The following TIAM1 variants were observed in gnomAD, a reference collection of about 807,000 sequenced individuals.
TIAM1 encodes TIAM Rac1 associated GEF 1, also known as rho guanine nucleotide exchange factor TIAM1.
A neutral mutation model predicts 163.5 loss-of-function variants in TIAM1; 65 were observed. The observed-to-expected ratio is 0.40, with a 90% CI of 0.33 to 0.49. The LOEUF (loss-of-function observed/expected upper bound fraction) is 0.49. Among genes scored for constraint, TIAM1 ranks in the 20% least tolerant of loss-of-function variants. The pLI is 0.77. For missense variants in TIAM1, 1,789 were observed against 2,044.7 expected (o/e 0.87, Z 2.41); for synonymous variants, 833 against 810.1 (o/e 1.03, Z -0.48).
chr21:31,349,923 A>G (rs2076207077), intron 2 of TIAM1, among the ~76,000 whole-genome samples: 1 of 152,264 alleles, frequency 6.6e-6, no homozygotes, highest in African/African-American at 2.4e-5. Flanking sequence ...GACTGGGCAC[A>G]TGCCCAACAC....
chr21:31,129,905 T>A (rs77878444), intron 25 of TIAM1, among the ~76,000 whole-genome samples: 1 of 152,278 alleles, frequency 6.6e-6, no homozygotes, highest in East Asian at 1.9e-4. Flanking sequence ...ACTCAGGTGG[T>A]AGTCACTATA....
At chr21:31,301,885 A>T (rs1362300531) in intron 2 of TIAM1, among the ~76,000 whole-genome samples, 1 of 148,706 alleles carries the variant, frequency 6.7e-6, no homozygotes, top group Non-Finnish European at 1.5e-5. Flanking sequence ...AAATATATAT[A>T]ATATATATAA....
intron 2 of TIAM1, among the ~76,000 whole-genome samples, chr21:31,403,996 C>T (rs976527851): frequency 3.9e-5 from 6 of 152,088 alleles, no homozygotes; most frequent in Non-Finnish European, 8.8e-5. Flanking sequence ...GACACTTAGC[C>T]GCAACTCACA....
intron 16 of TIAM1, among the ~76,000 whole-genome samples, chr21:31,161,611 T>C (rs2083925463): frequency 6.6e-6 from 1 of 152,248 alleles, no homozygotes; most frequent in Non-Finnish European, 1.5e-5. Flanking sequence ...TTCTTTATGC[T>C]GACCGATATC....
intron 9 of TIAM1, among the ~76,000 whole-genome samples, chr21:31,214,109 C>G (rs73351569): frequency 0.13 from 20,340 of 151,754 alleles, 4,336 homozygotes; most frequent in African/African-American, 0.45. Flanking sequence ...AGGATTGCTC[C>G]AGCCCAGGAG....
At chr21:31,516,565 A>G (rs542220816) in intron 1 of TIAM1, among the ~76,000 whole-genome samples, 4 of 152,176 alleles carry the variant, frequency 2.6e-5, no homozygotes, top group Admixed American at 2.0e-4. Flanking sequence ...AAATTAACCC[A>G]CAGTATTTGG....
At chr21:31,515,858 A>G (rs1269192517) in intron 1 of TIAM1, among the ~76,000 whole-genome samples, 1 of 152,210 alleles carries the variant, frequency 6.6e-6, no homozygotes, top group Non-Finnish European at 1.5e-5. Flanking sequence ...CTGTAATCCC[A>G]GAACTTTGAG....
At chr21:31,435,168 T>C (rs1041013661) in intron 2 of TIAM1, among the ~76,000 whole-genome samples, 2 of 152,176 alleles carry the variant, frequency 1.3e-5, no homozygotes, top group Admixed American at 6.5e-5. Context: ...AAAAGAACAC[T>C]GGAACCCACA....
chr21:31,545,580 A>G (rs960985919), intron 1 of TIAM1, among the ~76,000 whole-genome samples: 2 of 152,222 alleles, frequency 1.3e-5, no homozygotes, highest in African/African-American at 4.8e-5. Flanking sequence ...GACTGTGGAT[A>G]TAAGACTAGT....
chr21:31,420,499 G>A (rs576647736), intron 2 of TIAM1, among the ~76,000 whole-genome samples: 2 of 152,340 alleles, frequency 1.3e-5, no homozygotes, highest in Non-Finnish European at 2.9e-5. Flanking sequence ...AGAGTCTAAA[G>A]GTGAGTACAT....
At chr21:31,418,108 C>T (rs1165244527) in intron 2 of TIAM1, among the ~76,000 whole-genome samples, 1 of 152,002 alleles carries the variant, frequency 6.6e-6, no homozygotes, top group South Asian at 2.1e-4. Context: ...GTAATCCCAG[C>T]ACTTTGGCAG....
intron 19 of TIAM1, among the ~76,000 whole-genome samples, chr21:31,148,886 T>C (rs2083252665): frequency 6.6e-6 from 1 of 152,234 alleles, no homozygotes; most frequent in Non-Finnish European, 1.5e-5. Context: ...CAGAACTAAT[T>C]ATTTCCTTCT....
At chr21:31,324,729 G>T (rs570743819) in intron 2 of TIAM1, among the ~76,000 whole-genome samples, 1 of 152,328 alleles carries the variant, frequency 6.6e-6, no homozygotes, top group East Asian at 1.9e-4. Flanking sequence ...AAAGCAAAGA[G>T]ATTAACTGCC....
chr21:31,417,142 C>T (rs1306280243), intron 2 of TIAM1, among the ~76,000 whole-genome samples: 1 of 152,194 alleles, frequency 6.6e-6, no homozygotes, highest in Non-Finnish European at 1.5e-5. Context: ...CCTGCCTCAG[C>T]CTCCCAAGTA....
At chr21:31,199,300 T>G (rs540490516) in intron 12 of TIAM1, among the ~76,000 whole-genome samples, 6 of 152,126 alleles carry the variant, frequency 3.9e-5, no homozygotes, top group African/African-American at 7.2e-5. Flanking sequence ...ATGGGCCCAC[T>G]CATCTGCCAT....
intron 13 of TIAM1, among the ~76,000 whole-genome samples, chr21:31,189,465 A>G (rs1471509512): frequency 6.6e-6 from 1 of 152,166 alleles, no homozygotes; most frequent in East Asian, 1.9e-4. Flanking sequence ...AACTGGGTAA[A>G]AAGACTAGGT....
At chr21:31,313,641 C>T (rs1017131336) in intron 2 of TIAM1, among the ~76,000 whole-genome samples, 1 of 152,194 alleles carries the variant, frequency 6.6e-6, no homozygotes, top group African/African-American at 2.4e-5. Context: ...GTGGCGCAAT[C>T]TTGGCTCACC....
rs565011327 is a variant in TIAM1 at position 31,380,839 on chromosome 21, C to T, written c.-368-41417G>A. ...TTAATTCCATATAATTTGCATTGTA[C>T]CGGATCGGTTAGGGACAGGGGCTTT... On this transcript the variant is annotated intron_variant, in intron 2 of 28. Transcript: ENST00000286827. Among the ~76,000 whole-genome samples the T allele has an allele frequency of 3.0e-3, 463 of 152,248 alleles. 1 individual carries two copies. The highest frequency in any genetic ancestry group is 5.4e-3 in the Non-Finnish European group (366 of 68,030).
chr21:31,422,390 C>T (rs927392308), intron 2 of TIAM1, among the ~76,000 whole-genome samples: 1 of 152,048 alleles, frequency 6.6e-6, no homozygotes, highest in Non-Finnish European at 1.5e-5. Flanking sequence ...GCAGTGGTTC[C>T]GAAGCATTGG....
Sources: gnomAD v4.1 joint callset for allele counts (sites outside exome capture counted in the v4.1 genomes callset) on GRCh38, gnomAD v4.1.1 for gene constraint, MANE v1.5 for transcripts, NCBI Gene and HGNC (gene_info 2026-07-23, HGNC 2026-07-21) for gene names.